The following ADGRL2 variants were observed in gnomAD, a reference collection of about 807,000 sequenced individuals.
The protein encoded by ADGRL2 is adhesion G protein-coupled receptor L2.
In ADGRL2, 44 loss-of-function variants were observed where a neutral mutation model predicts 157.4. The ratio of observed to expected loss-of-function variants is 0.28; its 90% CI spans 0.22 to 0.36. The LOEUF (loss-of-function observed/expected upper bound fraction) is 0.36. Among genes scored for constraint, ADGRL2 ranks in the 10% least tolerant of loss-of-function variants. The pLI, the probability that ADGRL2 is intolerant of heterozygous loss-of-function variation, is 1.00. For synonymous variants in ADGRL2, 585 were observed against 624.7 expected (o/e 0.94, Z 0.95); for missense variants, 1,510 against 1,768.9 (o/e 0.85, Z 2.63).
chr1:81,338,851 C>T (rs1180319133), intron 1 of ADGRL2, among the ~76,000 whole-genome samples: 3 of 152,164 alleles, frequency 2.0e-5, no homozygotes, highest in Non-Finnish European at 2.9e-5. Flanking sequence ...ATGGTACAGC[C>T]TCTCACTAAA....
intron 17 of ADGRL2, among the ~76,000 whole-genome samples, chr1:81,979,536 C>T (rs764232768): frequency 8.2e-4 from 125 of 151,864 alleles, no homozygotes; most frequent in Non-Finnish European, 1.5e-3. Context: ...TGTAAATGCT[C>T]CTTCTAAGGA....
At chr1:81,960,860 A>G (rs1655121405) in intron 11 of ADGRL2, among the ~76,000 whole-genome samples, 1 of 152,186 alleles carries the variant, frequency 6.6e-6, no homozygotes. Flanking sequence ...CCCCAAAGTC[A>G]CAGCTGCTTA....
At position 81,853,010 on chromosome 1, in the gene ADGRL2, G is replaced by A. The variant is rs376890538; in HGVS notation, c.73+15953G>A. Among the ~76,000 whole-genome samples, 197 of 152,230 alleles carry A rather than the reference G, an allele frequency of 1.3e-3. 2 individuals are homozygous for A. The highest frequency in any genetic ancestry group is 4.6e-3 in the African/African-American group (190 of 41,552). ...TGAACTGTCAGGTCATTCCAAGAGC[G>A]AAGAGGCAGAGGCAGCTGGTCCAGA... On this transcript the variant is annotated intron_variant, in intron 2 of 23. Coordinates refer to ENST00000686636, the MANE Select transcript of ADGRL2 (RefSeq NM_001366006.2).
Position 81,856,347 on chromosome 1 carries a change from G to T in ADGRL2, c.73+19290G>T, listed in dbSNP as rs1385358602. Among the ~76,000 whole-genome samples the T allele has an allele frequency of 2.0e-5, 3 of 152,040 alleles. No homozygotes were observed. The East Asian group carries it at 5.8e-4, about 29-fold the overall frequency. ...TTCTCTAGCTCTGGAATTGCTTCAT[G>T]TTTCCCAGTTCAAATTCTTGAGAAC... On this transcript the variant is annotated intron_variant, in intron 2 of 23. Coordinates refer to ENST00000686636, the MANE Select transcript of ADGRL2 (RefSeq NM_001366006.2).
intron 3 of ADGRL2, among the ~76,000 whole-genome samples, chr1:81,925,056 C>T (rs1266137133): frequency 6.6e-6 from 1 of 151,958 alleles, no homozygotes; most frequent in Non-Finnish European, 1.5e-5. Context: ...GGTATACTCT[C>T]TATAAGTAGA....
At chr1:81,980,791 C>T in intron 18 of ADGRL2, 1 of 706,846 alleles carries the variant, frequency 1.4e-6, no homozygotes, top group East Asian at 2.5e-5. Flanking sequence ...CTCATCTACA[C>T]CAGTAATTAC....
At chr1:81,557,512 A>T (rs1235291533) in intron 2 of ADGRL2, 1 of 138,502 alleles carries the variant, frequency 7.2e-6, no homozygotes, top group Non-Finnish European at 1.6e-5. Context: ...AAAGAAAGAA[A>T]GAAAGAAAGA....
chr1:81,611,539 C>T (rs1281944986), intron 3 of ADGRL2, among the ~76,000 whole-genome samples: 1 of 152,052 alleles, frequency 6.6e-6, no homozygotes, highest in Non-Finnish European at 1.5e-5. Context: ...TGTGTAAGGC[C>T]CTTATTTTAC....
chr1:81,470,477 A>G (rs2078148428), intron 2 of ADGRL2, among the ~76,000 whole-genome samples: 1 of 151,902 alleles, frequency 6.6e-6, no homozygotes, highest in South Asian at 2.1e-4. Flanking sequence ...CAAGTTCCAC[A>G]TTTTCATTTG....
At chr1:81,418,082 GA>G (rs1318643195) in intron 1 of ADGRL2, among the ~76,000 whole-genome samples, 1 of 152,174 alleles carries the variant, frequency 6.6e-6, no homozygotes, top group Non-Finnish European at 1.5e-5. Flanking sequence ...TCTAAAGGCT[GA>G]AATCTATTCT....
chr1:81,787,111 G>A (rs1344270557), intron 2 of ADGRL2, among the ~76,000 whole-genome samples: 1 of 152,052 alleles, frequency 6.6e-6, no homozygotes, highest in Non-Finnish European at 1.5e-5. Context: ...TGTAAGAAGT[G>A]CCTTTCACCT....
At chr1:81,925,200 A>T (rs2095076126) in intron 3 of ADGRL2, among the ~76,000 whole-genome samples, 1 of 152,132 alleles carries the variant, frequency 6.6e-6, no homozygotes, top group South Asian at 2.1e-4. Flanking sequence ...TTAGAATAAC[A>T]GTTTTCACTT....
At chr1:81,656,355 T>C (rs2082533204) in intron 3 of ADGRL2, among the ~76,000 whole-genome samples, 1 of 152,226 alleles carries the variant, frequency 6.6e-6, no homozygotes, top group Non-Finnish European at 1.5e-5. Flanking sequence ...CAAGTTCATA[T>C]AGGTCATGAG....
chr1:81,566,550 A>G (rs2080567406), intron 2 of ADGRL2, among the ~76,000 whole-genome samples: 1 of 152,164 alleles, frequency 6.6e-6, no homozygotes. Flanking sequence ...TTTACATGGA[A>G]CTCTGTTCCA....
chr1:81,569,516 T>A (rs905977676), intron 2 of ADGRL2, among the ~76,000 whole-genome samples: 1 of 152,180 alleles, frequency 6.6e-6, no homozygotes, highest in Non-Finnish European at 1.5e-5. Flanking sequence ...CGTCAAGATG[T>A]CAGCATGTAG....
intron 1 of ADGRL2, among the ~76,000 whole-genome samples, chr1:81,379,843 A>C (rs1320971514): frequency 6.6e-6 from 1 of 152,190 alleles, no homozygotes; most frequent in Non-Finnish European, 1.5e-5. Context: ...ATGGTGGACC[A>C]GAGTGCTCTT....
chr1:81,372,304 T>A (rs1019024222), intron 1 of ADGRL2, among the ~76,000 whole-genome samples: 1 of 152,216 alleles, frequency 6.6e-6, no homozygotes, highest in Non-Finnish European at 1.5e-5. Context: ...AGAATATTGG[T>A]ACATTTAGAG....
chr1:81,818,946 T>C (rs1372757323), intron 1 of ADGRL2, among the ~76,000 whole-genome samples: 3 of 152,112 alleles, frequency 2.0e-5, no homozygotes, highest in African/African-American at 7.2e-5. Flanking sequence ...GGTAAAAATA[T>C]AGTGCCTTAG....
At chr1:81,433,556 G>C (rs1455640694) in intron 1 of ADGRL2, among the ~76,000 whole-genome samples, 2 of 152,132 alleles carry the variant, frequency 1.3e-5, no homozygotes, top group Non-Finnish European at 2.9e-5. Flanking sequence ...AGGCTGTTTT[G>C]GGGAGAGTTT....
Sources: gnomAD v4.1 joint callset for allele counts (sites outside exome capture counted in the v4.1 genomes callset) on GRCh38, gnomAD v4.1.1 for gene constraint, MANE v1.5 for transcripts, NCBI Gene and HGNC (gene_info 2026-07-23, HGNC 2026-07-21) for gene names.